ADGRL3: variants seen among roughly 807,000 people sequenced by gnomAD.
ADGRL3 encodes calcium-independent alpha-latrotoxin receptor 3.
A neutral mutation model predicts 153.5 loss-of-function variants in ADGRL3; 62 were observed. That is an observed-to-expected ratio of 0.40 (90% CI 0.33 to 0.50). The LOEUF (loss-of-function observed/expected upper bound fraction) is 0.50, where lower values mean the gene tolerates loss of function less well. ADGRL3 is among the 20% of genes least tolerant of loss of function. ADGRL3 has a pLI of 0.47. For synonymous variants in ADGRL3, 710 were observed against 672.5 expected, an observed-to-expected ratio of 1.06 and a Z score of -0.86; for missense variants, 1,641 against 1,859.4, an observed-to-expected ratio of 0.88 and a Z score of 2.16.
intron 9 of ADGRL3, among the ~76,000 whole-genome samples, chr4:61,844,155 T>G (rs1261833822): frequency 6.6e-6 from 1 of 152,158 alleles, no homozygotes. Context: ...CCTATTTGTT[T>G]TTTTCTTTCT....
intron 2 of ADGRL3, among the ~76,000 whole-genome samples, chr4:61,415,394 A>T (rs1671083365): frequency 6.6e-6 from 1 of 152,074 alleles, no homozygotes; most frequent in African/African-American, 2.4e-5. Flanking sequence ...CTAAGGAAAG[A>T]TAATTTGTTT....
chr4:61,692,974 T>C (rs1166741795), intron 6 of ADGRL3, among the ~76,000 whole-genome samples: 1 of 152,150 alleles, frequency 6.6e-6, no homozygotes, highest in African/African-American at 2.4e-5. Context: ...CTCTTCATGT[T>C]CCTAAACAAA....
chr4:61,970,871 C>T (rs2099024541), intron 17 of ADGRL3, among the ~76,000 whole-genome samples: 1 of 152,042 alleles, frequency 6.6e-6, no homozygotes, highest in African/African-American at 2.4e-5. Flanking sequence ...GTGAGGTGAC[C>T]TCTGTGTCTG....
intron 5 of ADGRL3, among the ~76,000 whole-genome samples, chr4:61,646,703 G>T (rs1045339966): frequency 1.8e-4 from 28 of 152,272 alleles, no homozygotes; most frequent in South Asian, 4.1e-4. Flanking sequence ...GGACACTTAA[G>T]TCTGCAGAGG....
intron 8 of ADGRL3, among the ~76,000 whole-genome samples, chr4:61,739,610 A>G (rs1460144031): frequency 6.6e-6 from 1 of 152,218 alleles, no homozygotes; most frequent in African/African-American, 2.4e-5. Context: ...CTAGGTGAAT[A>G]GGAGTATAAT....
At chr4:61,204,450 C>A (rs1736207600) in intron 1 of ADGRL3, among the ~76,000 whole-genome samples, 1 of 152,098 alleles carries the variant, frequency 6.6e-6, no homozygotes, top group Non-Finnish European at 1.5e-5. Context: ...ACAATGATTC[C>A]CAGTCCTTAC....
At chr4:61,920,740 C>T (rs1201369142) in intron 13 of ADGRL3, among the ~76,000 whole-genome samples, 3 of 152,174 alleles carry the variant, frequency 2.0e-5, no homozygotes, top group African/African-American at 7.2e-5. Flanking sequence ...TCATGCTAAT[C>T]TTCTAAAAGG....
chr4:61,402,233 T>C (rs566955021), intron 2 of ADGRL3, among the ~76,000 whole-genome samples: 65 of 152,258 alleles, frequency 4.3e-4, no homozygotes, highest in Middle Eastern at 6.8e-3. Flanking sequence ...GTCTATTGGA[T>C]GTCCTGTTTT....
intron 5 of ADGRL3, among the ~76,000 whole-genome samples, chr4:61,640,829 A>T (rs1295017734): frequency 6.6e-6 from 1 of 152,202 alleles, no homozygotes; most frequent in African/African-American, 2.4e-5. Context: ...TTTTGACAAA[A>T]GTACTTTGTC....
At chr4:61,470,062 C>T (rs190419805) in intron 2 of ADGRL3, among the ~76,000 whole-genome samples, 297 of 151,904 alleles carry the variant, frequency 2.0e-3, no homozygotes, top group Middle Eastern at 3.4e-3. Flanking sequence ...TCAGCATATC[C>T]CTTGTAACTT....
chr4:61,584,949 T>C (rs1490658533), intron 4 of ADGRL3, among the ~76,000 whole-genome samples: 1 of 152,042 alleles, frequency 6.6e-6, no homozygotes, highest in African/African-American at 2.4e-5. Flanking sequence ...TTCTGAGTGA[T>C]AAACAAAGAG....
intron 2 of ADGRL3, among the ~76,000 whole-genome samples, chr4:61,489,526 G>T (rs187232216): frequency 3.9e-5 from 6 of 152,026 alleles, no homozygotes; most frequent in Admixed American, 3.9e-4. Flanking sequence ...GCCAGATGCA[G>T]AACAATACCA....
At chr4:61,524,106 A>G (rs2098546418) in intron 4 of ADGRL3, among the ~76,000 whole-genome samples, 1 of 152,134 alleles carries the variant, frequency 6.6e-6, no homozygotes, top group African/African-American at 2.4e-5. Context: ...GTCAATTACT[A>G]GGAAATATCT....
At chr4:61,437,283 T>TA (rs5858700) in intron 2 of ADGRL3, among the ~76,000 whole-genome samples, 141,387 of 151,954 alleles carry the variant, frequency 0.93, 66,633 homozygotes, top group Non-Finnish European at 1. Context: ...TAAATGCTGT[T>TA]AAAAAAAATT....
intron 1 of ADGRL3, among the ~76,000 whole-genome samples, chr4:61,287,049 C>T (rs2093966998): frequency 1.3e-5 from 2 of 151,594 alleles, no homozygotes; most frequent in Admixed American, 6.6e-5. Context: ...ATTAACATCA[C>T]CAATAAATAA....
intron 2 of ADGRL3, among the ~76,000 whole-genome samples, chr4:61,491,361 T>A (rs1370236153): frequency 6.6e-6 from 1 of 152,182 alleles, no homozygotes; most frequent in East Asian, 1.9e-4. Flanking sequence ...ATAATTACTC[T>A]AGTTAAAATA....
At chr4:61,859,581 T>G (rs2098318477) in intron 9 of ADGRL3, among the ~76,000 whole-genome samples, 1 of 152,156 alleles carries the variant, frequency 6.6e-6, no homozygotes, top group African/African-American at 2.4e-5. Flanking sequence ...CTCTTTACAA[T>G]GTATAAGTTG....
At chr4:61,817,764 G>A (rs540190255) in intron 9 of ADGRL3, among the ~76,000 whole-genome samples, 1 of 152,276 alleles carries the variant, frequency 6.6e-6, no homozygotes, top group Non-Finnish European at 1.5e-5. Context: ...TTATGTGGTA[G>A]CAGACAAGAG....
At chr4:61,927,016 T>C (rs951976124) in intron 13 of ADGRL3, among the ~76,000 whole-genome samples, 3 of 152,180 alleles carry the variant, frequency 2.0e-5, no homozygotes, top group African/African-American at 7.2e-5. Context: ...TCATGGAGCT[T>C]TTCCAATACA....
Sources: gnomAD v4.1 joint callset for allele counts (sites outside exome capture counted in the v4.1 genomes callset) on GRCh38, gnomAD v4.1.1 for gene constraint, MANE v1.5 for transcripts, NCBI Gene and HGNC (gene_info 2026-07-23, HGNC 2026-07-21) for gene names.